The following ALDH6A1 variants were observed in gnomAD, a reference collection of about 807,000 sequenced individuals.
ALDH6A1 encodes the protein aldehyde dehydrogenase 6 family member A1, also known as methylmalonate-semialdehyde/malonate-semialdehyde dehydrogenase [acylating], mitochondrial.
A neutral mutation model predicts 62.6 loss-of-function variants in ALDH6A1; 43 were observed. That is an observed-to-expected ratio of 0.69 (90% CI 0.54 to 0.89). ALDH6A1 has a LOEUF of 0.89. ALDH6A1 is among the 40% of genes least tolerant of loss of function. ALDH6A1 has a pLI of 0.00. For missense variants in ALDH6A1, 551 were observed against 661.3 expected (o/e 0.83, Z 1.83); for synonymous variants, 194 against 234.2 (o/e 0.83, Z 1.57).
At chr14:74,069,530 C>A (rs2060520084) in intron 6 of ALDH6A1, among the ~76,000 whole-genome samples, 2 of 151,876 alleles carry the variant, frequency 1.3e-5, no homozygotes, top group Admixed American at 1.3e-4. Flanking sequence ...GCAGGTGGAT[C>A]ACCTGAGGTC....
intron 1 of ALDH6A1, among the ~76,000 whole-genome samples, chr14:74,075,986 C>A (rs2060608804): frequency 6.6e-6 from 1 of 152,160 alleles, no homozygotes; most frequent in Admixed American, 6.5e-5. Flanking sequence ...AAAGTACATA[C>A]TGTATGATTC....
chr14:74,078,612 C>T (rs1243582832), intron 1 of ALDH6A1, among the ~76,000 whole-genome samples: 1 of 152,178 alleles, frequency 6.6e-6, no homozygotes, highest in African/African-American at 2.4e-5. Flanking sequence ...ACTGCAACCT[C>T]CACCTCCCGG....
In ALDH6A1 at chr14:74,057,552, A is replaced by G; in HGVS notation, c.*3090T>C. ...TACTATCTTTTACGTAAGAGTAAAC[A>G]TAGTGACCTTGTGACTCTTAGCTTT... On this transcript the variant is annotated 3_prime_UTR_variant, in exon 12 of 12. Transcript: ENST00000553458. 7.5e-7 allele frequency: 1 copy of G among 1,336,648 alleles called. No individual in the cohort carries two copies. The highest frequency in any genetic ancestry group is 3.7e-5 in the East Asian group (1 of 27,346). 82.8% of individuals were successfully genotyped at this position (1,336,648 alleles called of 1,614,324 possible). A position where few individuals can be genotyped will look rare whatever the true frequency, so the allele number is the denominator to read the frequency against.
chr14:74,072,309 G>T lies in ALDH6A1; in HGVS notation c.242C>A (p.Ala81Glu), dbSNP rs747157820. 1 of 1,614,240 alleles carries T rather than the reference G, an allele frequency of 6.2e-7. No homozygotes were observed. Among genetic ancestry groups the T allele is most frequent in the Non-Finnish European group, 8.5e-7 (1 of 1,180,046 alleles). The change falls in exon 4 of 12, where the codon GCA becomes GAA. Residue 81 changes from alanine (A) to glutamate (E), a missense_variant. By Grantham distance (107) the Ala-to-Glu change is moderately radical. Transcript: ENST00000553458. ...VPQATKAEMD[A>E]AIASCKRAFP... ...AGCACGTTTGCAGGAAGCAATGGCT[G>T]CATCCATTTCTGCCTTGGTGGCCTG...
chr14:74,057,133 C>T lies in ALDH6A1; in HGVS notation c.*3509G>A, dbSNP rs1429555209. On this transcript the variant is annotated 3_prime_UTR_variant, in exon 12 of 12. Coordinates refer to ENST00000553458, the MANE Select transcript of ALDH6A1 (RefSeq NM_005589.4). ...GTTGTTGACGGTTCTGTTATTTTGT[C>T]ATTATTGCAGGGATGAAAGTAAGCT... 1.2e-6 allele frequency: 2 copies of T among 1,606,372 alleles called. No homozygotes were observed. Among genetic ancestry groups the T allele is most frequent in the Admixed American group, 1.7e-5 (1 of 58,986 alleles).
chr14:74,068,884 A>G lies in ALDH6A1; in HGVS notation c.828T>C (p.His276=). ...GEYIFERGSR[H]GKRVQANMGA... Reference sequence around the variant, plus strand: ...CCATATTGGCTTGAACCCTCTTGCCATGTCTTGATCCTCTCTCGAAGATAT... The same window carrying G: ...CCATATTGGCTTGAACCCTCTTGCCGTGTCTTGATCCTCTCTCGAAGATAT... The change falls in exon 7 of 12, where the codon CAT becomes CAC. Residue 276 remains histidine, a synonymous_variant. Coordinates refer to ENST00000553458, the MANE Select transcript of ALDH6A1 (RefSeq NM_005589.4). The G allele has an allele frequency of 6.2e-7, 1 of 1,614,054 alleles. No individual in the cohort carries two copies. The highest frequency in any genetic ancestry group is 8.5e-7 in the Non-Finnish European group (1 of 1,179,962).
At chr14:74,064,788 A>C (rs752863554) in intron 11 of ALDH6A1, 34 bp downstream of exon 11, 1 of 1,612,798 alleles carries the variant, frequency 6.2e-7, no homozygotes, top group Non-Finnish European at 8.5e-7. Context: ...AAATTTCTTA[A>C]AGGAAAAGAC....
intron 11 of ALDH6A1, among the ~76,000 whole-genome samples, chr14:74,061,153 T>A (rs1049338441): frequency 5.9e-5 from 9 of 151,734 alleles, no homozygotes; most frequent in Non-Finnish European, 1.0e-4. Flanking sequence ...AATTTTTGTA[T>A]TTTTAGTGGA....
intron 1 of ALDH6A1, among the ~76,000 whole-genome samples, chr14:74,080,368 C>CT (rs35450547): frequency 0.28 from 36,603 of 128,866 alleles, 6,125 homozygotes; most frequent in East Asian, 0.65. Flanking sequence ...TAAACTCTTT[C>CT]TTTTTTTTTT....
At chr14:74,069,487 A>G (rs899029746) in intron 6 of ALDH6A1, among the ~76,000 whole-genome samples, 13 of 151,860 alleles carry the variant, frequency 8.6e-5, no homozygotes, top group African/African-American at 3.1e-4. Context: ...ACGGTGGCGC[A>G]TGCCTGTAAT....
Position 74,057,484 on chromosome 14 carries a change from C to T in ALDH6A1, c.*3158G>A. 2.1e-6 allele frequency: 3 copies of T among 1,422,056 alleles called. No individual in the cohort carries two copies. The highest frequency in any genetic ancestry group is 2.8e-6 in the Non-Finnish European group (3 of 1,089,432). The allele number at this position is 1,422,056 out of a possible 1,614,324, so 88.1% of individuals were successfully genotyped here. A position where few individuals can be genotyped will look rare whatever the true frequency, so the allele number is the denominator to read the frequency against. On this transcript the variant is annotated 3_prime_UTR_variant, in exon 12 of 12. Coordinates refer to ENST00000553458, the MANE Select transcript of ALDH6A1 (RefSeq NM_005589.4). Reference sequence around the variant, plus strand: ...ATGTGTGCCTCTTTTTGTGTAGAAACCTATAGGTTGCCTTTTGAAGTAAAC... The same window carrying T: ...ATGTGTGCCTCTTTTTGTGTAGAAATCTATAGGTTGCCTTTTGAAGTAAAC...
At position 74,060,456 on chromosome 14, in the gene ALDH6A1, C is replaced by T. The variant is rs2060314326; in HGVS notation, c.*186G>A. Reference sequence around the variant, plus strand: ...GAAGTATGAAGAGCAAGTGAGAAATCTGGTTTCATTGTTACACTAGGCAGT... The same window carrying T: ...GAAGTATGAAGAGCAAGTGAGAAATTTGGTTTCATTGTTACACTAGGCAGT... On this transcript the variant is annotated 3_prime_UTR_variant, in exon 12 of 12. Transcript: ENST00000553458. 3.3e-6 allele frequency: 2 copies of T among 608,504 alleles called. No homozygotes were observed. The highest frequency in any genetic ancestry group is 5.5e-5 in the Admixed American group (2 of 36,416). The allele number at this position is 608,504 out of a possible 1,614,324, so 37.7% of individuals were successfully genotyped here. A position where few individuals can be genotyped will look rare whatever the true frequency, so the allele number is the denominator to read the frequency against.
rs1191455573 is a variant in ALDH6A1, at chr14:74,071,262, A to G, written c.663T>C (p.Leu221=). ...SERVPGATML[L]AKLLQDSGAP... is the part of the protein sequence containing the mutation. ...CACCAGAATCCTGGAGCAACTTAGC[A>G]AGAAGCATAGTTGCTCCAGGGACTC... The change falls in exon 6 of 12, where the codon CTT becomes CTC. Residue 221 remains leucine, a synonymous_variant. Transcript: ENST00000553458. 2 of 1,614,112 alleles carry G rather than the reference A, an allele frequency of 1.2e-6. No individual in the cohort carries two copies. The highest frequency in any genetic ancestry group is 2.7e-5 in the African/African-American group (2 of 74,926).
intron 10 of ALDH6A1, 44 bp from the exon 11 acceptor site, chr14:74,064,964 C>T (rs2060436400): frequency 1.3e-6 from 2 of 1,568,126 alleles, no homozygotes; most frequent in African/African-American, 1.4e-5. Context: ...GACAAAGGAA[C>T]TCTCCATTTA....
intron 11 of ALDH6A1, among the ~76,000 whole-genome samples, chr14:74,061,666 G>T (rs1411941375): frequency 1.3e-5 from 2 of 152,072 alleles, no homozygotes; most frequent in Non-Finnish European, 2.9e-5. Flanking sequence ...GCTCTATATT[G>T]AAGTGGCAAA....
At chr14:74,082,406 T>G (rs1456600864) in intron 1 of ALDH6A1, among the ~76,000 whole-genome samples, 1 of 141,042 alleles carries the variant, frequency 7.1e-6, no homozygotes, top group African/African-American at 2.7e-5. Flanking sequence ...TTTTTTTTTT[T>G]TTTTTTTTTT....
rs2060477371 is a variant in ALDH6A1 at position 74,067,002 on chromosome 14, G to A, written c.1043-116C>T. On this transcript the variant is annotated intron_variant, in intron 8 of 11. Transcript: ENST00000553458. ...AGGCCAAGGCAGGAGGACTGCTTGAGCCCAGGAGTTCCAGACCAGCCTGGG... is the reference window on the plus strand; with the variant it reads ...AGGCCAAGGCAGGAGGACTGCTTGAACCCAGGAGTTCCAGACCAGCCTGGG... The A allele has an allele frequency of 1.6e-5, 16 of 997,320 alleles. No homozygotes were observed. The South Asian group carries it at 2.2e-4, about 13-fold the overall frequency. 61.8% of individuals were successfully genotyped at this position (997,320 alleles called of 1,614,324 possible). A position where few individuals can be genotyped will look rare whatever the true frequency, so the allele number is the denominator to read the frequency against.
chr14:74,059,507 C>A lies in ALDH6A1; in HGVS notation c.*1135G>T. 1 of 379,294 alleles carries A rather than the reference C, an allele frequency of 2.6e-6. No homozygotes were observed. The highest frequency in any genetic ancestry group is 5.2e-6 in the Non-Finnish European group (1 of 192,940). 23.5% of individuals were successfully genotyped at this position (379,294 alleles called of 1,614,324 possible). A position where few individuals can be genotyped will look rare whatever the true frequency, so the allele number is the denominator to read the frequency against. ...GGTCAGGAGTTCGAGACCAGCCTGACCAACACGGAGAAACCCCGTCTCTAC... is the reference window on the plus strand; with the variant it reads ...GGTCAGGAGTTCGAGACCAGCCTGAACAACACGGAGAAACCCCGTCTCTAC... On this transcript the variant is annotated 3_prime_UTR_variant, in exon 12 of 12. Transcript: ENST00000553458.
intron 1 of ALDH6A1, among the ~76,000 whole-genome samples, chr14:74,077,509 G>A (rs2060624871): frequency 6.6e-6 from 1 of 152,186 alleles, no homozygotes; most frequent in Admixed American, 6.6e-5. Context: ...ATATAACAGA[G>A]AAGATCAAAG....
Sources: gnomAD v4.1 joint callset for allele counts (sites outside exome capture counted in the v4.1 genomes callset) on GRCh38, gnomAD v4.1.1 for gene constraint, MANE v1.5 for transcripts, NCBI Gene and HGNC (gene_info 2026-07-23, HGNC 2026-07-21) for gene names.